The following AK7 variants were observed in gnomAD, a reference collection of about 807,000 sequenced individuals.
AK7 encodes the protein adenylate kinase 7.
Under a neutral mutation model 96.6 loss-of-function variants are expected in AK7, and 78 were observed. The ratio of observed to expected loss-of-function variants is 0.81; its 90% CI spans 0.67 to 0.97. The LOEUF (loss-of-function observed/expected upper bound fraction) is 0.97, where lower values mean the gene tolerates loss of function less well. AK7 is among the 50% of genes least tolerant of loss of function. The pLI is 0.00. For missense variants in AK7, 855 were observed against 887.9 expected, an observed-to-expected ratio of 0.96 and a Z score of 0.47; for synonymous variants, 302 against 317.2, an observed-to-expected ratio of 0.95 and a Z score of 0.51.
intron 7 of AK7, among the ~76,000 whole-genome samples, chr14:96,444,749 G>A (rs973606096): frequency 2.0e-5 from 3 of 148,852 alleles, no homozygotes; most frequent in Non-Finnish European, 3.0e-5. Context: ...ATGGAGTCTC[G>A]CTCTGTCACC....
chr14:96,392,378 G>T (rs1228042710), intron 1 of AK7, 119 bp downstream of exon 1: 1 of 822,674 alleles, frequency 1.2e-6, no homozygotes, highest in African/African-American at 1.7e-5. Context: ...CTTTCCTCAG[G>T]GAGGGTCCCG....
At chr14:96,420,953 C>T in intron 5 of AK7, 21 bp downstream of exon 5, 2 of 1,464,092 alleles carry the variant, frequency 1.4e-6, no homozygotes, top group Non-Finnish European at 1.9e-6. Context: ...CATAGTGGAA[C>T]ATGGACATCA....
intron 14 of AK7, 138 bp from the exon 15 acceptor site, chr14:96,478,327 G>T: frequency 2.6e-6 from 2 of 777,156 alleles, no homozygotes; most frequent in East Asian, 5.0e-5. Flanking sequence ...CTCCATGAGA[G>T]GCAGCAAAGC....
At chr14:96,464,927 G>A (rs1894473848) in intron 12 of AK7, among the ~76,000 whole-genome samples, 1 of 152,178 alleles carries the variant, frequency 6.6e-6, no homozygotes, top group African/African-American at 2.4e-5. Flanking sequence ...AGTCACTCCG[G>A]TTAGGACAAA....
chr14:96,433,895 G>T (rs1892494407), intron 5 of AK7, among the ~76,000 whole-genome samples: 1 of 152,078 alleles, frequency 6.6e-6, no homozygotes, highest in African/African-American at 2.4e-5. Context: ...GTTTCTGCTT[G>T]ATTTTTAAAA....
intron 5 of AK7, among the ~76,000 whole-genome samples, chr14:96,433,818 A>G (rs1295074228): frequency 6.6e-6 from 1 of 151,998 alleles, no homozygotes; most frequent in Non-Finnish European, 1.5e-5. Flanking sequence ...TTCTTCTTTG[A>G]TCAATTTTGT....
intron 7 of AK7, among the ~76,000 whole-genome samples, chr14:96,443,509 T>A (rs968382411): frequency 6.6e-6 from 1 of 152,214 alleles, no homozygotes; most frequent in Non-Finnish European, 1.5e-5. Context: ...TGGCCACTAG[T>A]AAATTAGTCA....
At chr14:96,398,429 C>G (rs1414303511) in intron 2 of AK7, 166 bp downstream of exon 2, 1 of 684,610 alleles carries the variant, frequency 1.5e-6, no homozygotes, top group Non-Finnish European at 2.4e-6. Context: ...ACCTCACAGA[C>G]CCCACTTTTA....
intron 10 of AK7, among the ~76,000 whole-genome samples, chr14:96,453,834 C>T (rs1005777223): frequency 6.6e-6 from 1 of 152,144 alleles, no homozygotes; most frequent in African/African-American, 2.4e-5. Flanking sequence ...ACCCTTGGTC[C>T]GTGGACAAAT....
chr14:96,392,435 G>A (rs1889806450), intron 1 of AK7, among the ~76,000 whole-genome samples, 176 bp downstream of exon 1: 1 of 152,204 alleles, frequency 6.6e-6, no homozygotes. Flanking sequence ...CCGCACCCAG[G>A]CTGGTCAAGA....
At position 96,488,381 on chromosome 14, in the gene AK7, C is replaced by T. The variant is rs764369166; in HGVS notation, c.*38C>T. On this transcript the variant is annotated 3_prime_UTR_variant, in exon 18 of 18. Coordinates refer to ENST00000267584, the MANE Select transcript of AK7 (RefSeq NM_152327.5). ...CTGGTATTATCTACCTTTACAGAAC[C>T]ACAGATCACTTATTATACTTTGAAA... is the stretch of plus-strand genomic sequence containing the variant. 1.3e-6 allele frequency: 2 copies of T among 1,583,580 alleles called. No homozygotes were observed. Among genetic ancestry groups the T allele is most frequent in the Non-Finnish European group, 1.7e-6 (2 of 1,157,504 alleles).
At position 96,398,058 on chromosome 14, in the gene AK7, T is replaced by C; in HGVS notation, c.106-17T>C. ...TAATTTTCTCTTACCATTTGGGAAATTTCTGTTTCCTTGCAGTTTCTATCT... is the reference window on the plus strand; with the variant it reads ...TAATTTTCTCTTACCATTTGGGAAACTTCTGTTTCCTTGCAGTTTCTATCT... On this transcript the variant is annotated splice_polypyrimidine_tract_variant and intron_variant, in intron 1 of 17. Transcript: ENST00000267584. The C allele has an allele frequency of 6.2e-7, 1 of 1,607,626 alleles. No homozygotes were observed. The highest frequency in any genetic ancestry group is 8.5e-7 in the Non-Finnish European group (1 of 1,176,156).
chr14:96,475,617 G>C (rs1238025092), intron 14 of AK7, among the ~76,000 whole-genome samples: 3 of 152,098 alleles, frequency 2.0e-5, no homozygotes, highest in Non-Finnish European at 2.9e-5. Context: ...ACTATCTTTA[G>C]GTATTGGCTA....
intron 6 of AK7, among the ~76,000 whole-genome samples, chr14:96,438,707 A>G (rs1169629165): frequency 6.6e-6 from 1 of 152,194 alleles, no homozygotes; most frequent in Non-Finnish European, 1.5e-5. Context: ...GACTGAGCAC[A>G]GAAGCAACAT....
At chr14:96,472,802 C>A in intron 14 of AK7, 47 bp downstream of exon 14, 1 of 1,529,158 alleles carries the variant, frequency 6.5e-7, no homozygotes, top group Non-Finnish European at 9.0e-7. Context: ...GTTCTCTGGG[C>A]TGGGCGTGGT....
chr14:96,396,360 G>T (rs1890084644), intron 1 of AK7, among the ~76,000 whole-genome samples: 1 of 152,202 alleles, frequency 6.6e-6, no homozygotes, highest in Non-Finnish European at 1.5e-5. Context: ...TGGAAGCTGT[G>T]TCTCGTCGTT....
intron 15 of AK7, among the ~76,000 whole-genome samples, chr14:96,480,570 G>A (rs1408163934): frequency 6.6e-6 from 1 of 152,140 alleles, no homozygotes; most frequent in Non-Finnish European, 1.5e-5. Context: ...AAAGCTAAGG[G>A]TTCTGTACCT....
intron 5 of AK7, among the ~76,000 whole-genome samples, chr14:96,425,269 A>G (rs1891957086): frequency 6.6e-6 from 1 of 152,198 alleles, no homozygotes; most frequent in Non-Finnish European, 1.5e-5. Context: ...AACACAGTCT[A>G]TGCACTCCAG....
At position 96,392,132 on chromosome 14, in the gene AK7, T is replaced by A; in HGVS notation, c.-23T>A. The A allele has an allele frequency of 6.3e-7, 1 of 1,594,708 alleles. No individual in the cohort carries two copies. Among genetic ancestry groups the A allele is most frequent in the Non-Finnish European group, 8.6e-7 (1 of 1,163,146 alleles). On this transcript the variant is annotated 5_prime_UTR_variant, in exon 1 of 18. Coordinates refer to ENST00000267584, the MANE Select transcript of AK7 (RefSeq NM_152327.5). The stretch of plus-strand genomic sequence containing the variant: ...TGGCAAGCGAGTGGCGCTTTCACCT[T>A]AGCAACCAGCGCGGCTCCCACCATG...
Sources: allele counts gnomAD v4.1 joint callset (sites outside exome capture counted in the v4.1 genomes callset), GRCh38; gene constraint gnomAD v4.1.1; transcripts MANE v1.5; gene names NCBI Gene and HGNC (gene_info 2026-07-23, HGNC 2026-07-21).